SUPT20H: variants seen among roughly 807,000 people sequenced by gnomAD.
The protein encoded by SUPT20H is SPT20 homolog, SAGA complex component, also known as transcription factor SPT20 homolog.
SUPT20H carries 82 observed loss-of-function variants against 122.8 expected under a neutral mutation model. That is an observed-to-expected ratio of 0.67 (90% CI 0.56 to 0.80). The LOEUF (loss-of-function observed/expected upper bound fraction) is 0.80, where lower values mean the gene tolerates loss of function less well. SUPT20H is among the 30% of genes least tolerant of loss of function. The probability of loss-of-function intolerance (pLI) is 0.00; values close to 1 mark genes in which losing one functional copy is unlikely to be tolerated. For missense variants in SUPT20H, 831 were observed against 921.6 expected (o/e 0.90, Z 1.27); for synonymous variants, 291 against 313.0 (o/e 0.93, Z 0.74).
intron 1 of SUPT20H, chr13:37,059,180 C>T (rs1208443252): frequency 6.6e-6 from 1 of 152,276 alleles, no homozygotes; most frequent in African/African-American, 2.4e-5. Flanking sequence ...GCTTTTGTCA[C>T]AACTTAGGCT....
In SUPT20H at chr13:37,045,302, A is replaced by C. The variant is rs1347954348; in HGVS notation, c.237T>G (p.Asn79Lys). ...AATATCCCTCATTTCCTGGGTATAG[A>C]TTGACCACTAAACATGACAAAGTCT... ...MQETLSCLVV[N>K]LYPGNEGYSL... is the part of the protein sequence containing the mutation. The change falls in exon 6 of 26, where the codon AAT becomes AAG. Residue 79 changes from asparagine (N) to lysine (K), a missense_variant. Asn to Lys is a moderately conservative substitution (Grantham distance 94). Transcript: ENST00000350612. 6.2e-7 allele frequency: 1 copy of C among 1,613,682 alleles called. No homozygotes were observed. The highest frequency in any genetic ancestry group is 8.5e-7 in the Non-Finnish European group (1 of 1,179,814).
intron 22 of SUPT20H, 107 bp from the exon 23 acceptor site, chr13:37,017,471 T>C: frequency 4.3e-6 from 5 of 1,154,322 alleles, no homozygotes; most frequent in Non-Finnish European, 5.9e-6. Flanking sequence ...GTCACTCTTC[T>C]AGTTATTGAA....
chr13:37,049,253 T>C (rs1404486056), intron 2 of SUPT20H, among the ~76,000 whole-genome samples: 1 of 152,152 alleles, frequency 6.6e-6, no homozygotes, highest in East Asian at 1.9e-4. Context: ...TATTAAAATA[T>C]AAAAGAAAAT....
intron 2 of SUPT20H, 141 bp from the exon 3 acceptor site, chr13:37,048,740 AAT>A: frequency 7.0e-5 from 42 of 600,104 alleles, no homozygotes; most frequent in East Asian, 9.6e-5. Flanking sequence ...CTCTATGATC[AAT>A]ATATATATAA....
chr13:37,023,025 T>C, intron 19 of SUPT20H: 1 of 1,282,254 alleles, frequency 7.8e-7, no homozygotes, highest in Non-Finnish European at 1.0e-6. Context: ...TGAGGTGTTT[T>C]CTTTTTTAGC....
intron 21 of SUPT20H, 152 bp downstream of exon 21, chr13:37,021,296 A>C: frequency 2.3e-6 from 2 of 851,996 alleles, no homozygotes; most frequent in Non-Finnish European, 3.2e-6. Flanking sequence ...CAAATGCCAG[A>C]ACTTTTAAAG....
Position 37,028,135 on chromosome 13 carries a change from T to C in SUPT20H, c.1151+13A>G, listed in dbSNP as rs375431143. On this transcript the variant is annotated intron_variant, in intron 14 of 25. Transcript: ENST00000350612. ...TTTTTTTTTTCCAGTTACTTGTATT[T>C]AACAGAACTCACTGTGATGGAGACA... 5 of 1,576,094 alleles carry C rather than the reference T, an allele frequency of 3.2e-6. No homozygotes were observed. The highest frequency in any genetic ancestry group is 1.4e-5 in the African/African-American group (1 of 72,552).
intron 4 of SUPT20H, 49 bp from the exon 5 acceptor site, chr13:37,047,650 A>T: frequency 7.6e-7 from 1 of 1,320,800 alleles, no homozygotes; most frequent in Non-Finnish European, 1.0e-6. Flanking sequence ...CAGAGTAATC[A>T]TCATGACATG....
intron 1 of SUPT20H, among the ~76,000 whole-genome samples, chr13:37,051,982 TCA>T (rs938231492): frequency 1.3e-5 from 2 of 152,080 alleles, no homozygotes; most frequent in African/African-American, 4.8e-5. Flanking sequence ...ACTTTACAAA[TCA>T]CAGATATAAT....
intron 7 of SUPT20H, among the ~76,000 whole-genome samples, chr13:37,041,194 A>T (rs1014938050): frequency 1.3e-5 from 2 of 152,230 alleles, no homozygotes; most frequent in Admixed American, 1.3e-4. Flanking sequence ...TTTATTAATA[A>T]GAGGGAAGCT....
chr13:37,017,210 AT>A, intron 23 of SUPT20H, 34 bp downstream of exon 23: 1 of 1,613,714 alleles, frequency 6.2e-7, no homozygotes, highest in South Asian at 1.1e-5. Flanking sequence ...TATAAATTCG[AT>A]GTAAAAGCAT....
intron 3 of SUPT20H, among the ~76,000 whole-genome samples, chr13:37,048,193 AAAT>A (rs1358196584): frequency 1.3e-5 from 2 of 152,204 alleles, no homozygotes; most frequent in African/African-American, 4.8e-5. Context: ...CACAGGTCAG[AAAT>A]ATTATCAATA....
At position 37,053,911 on chromosome 13, in the gene SUPT20H, C is replaced by T. The variant is rs183796485; in HGVS notation, c.-93-2328G>A. Among the ~76,000 whole-genome samples the T allele has an allele frequency of 4.0e-3, 606 of 151,848 alleles. 3 individuals carry two copies. The highest frequency in any genetic ancestry group is 0.014 in the African/African-American group (574 of 41,422). On this transcript the variant is annotated intron_variant, in intron 1 of 25. Transcript: ENST00000350612. ...AGAAAAGAGAGAAGAATCAAATAGA[C>T]GCAATAAAAAATGATAAAGGGGATA...
chr13:37,022,282 T>C lies in SUPT20H; in HGVS notation c.1592-202A>G. 1 of 1,493,490 alleles carries C rather than the reference T, an allele frequency of 6.7e-7. No individual in the cohort carries two copies. The highest frequency in any genetic ancestry group is 2.1e-5 in the Admixed American group (1 of 46,804). 92.5% of individuals were successfully genotyped at this position (1,493,490 alleles called of 1,614,324 possible). On this transcript the variant is annotated intron_variant, in intron 19 of 25. Transcript: ENST00000350612. This position sits in a 1 kb window ranked among gnomAD's most constrained non-coding sequence, Gnocchi z 4.5. ...GGAGGGTGTGGGGTCGATGAAGGGGTTGGTGTAGGAGTAGATGGCTTAGGA... is the reference window on the plus strand; with the variant it reads ...GGAGGGTGTGGGGTCGATGAAGGGGCTGGTGTAGGAGTAGATGGCTTAGGA...
intron 23 of SUPT20H, among the ~76,000 whole-genome samples, chr13:37,016,921 A>T (rs2060611571): frequency 3.3e-5 from 5 of 152,224 alleles, no homozygotes; most frequent in African/African-American, 1.2e-4. Context: ...AAACAGAAAG[A>T]TAATGATGGG....
intron 14 of SUPT20H, among the ~76,000 whole-genome samples, chr13:37,027,832 C>T (rs999399485): frequency 1.3e-5 from 2 of 152,038 alleles, no homozygotes; most frequent in African/African-American, 4.8e-5. Flanking sequence ...ACACTATTGC[C>T]CAAACACTTC....
chr13:37,033,605 C>T lies in SUPT20H; in HGVS notation c.568-17G>A, dbSNP rs762923573. 1.9e-6 allele frequency: 3 copies of T among 1,609,550 alleles called. No homozygotes were observed. Among genetic ancestry groups the T allele is most frequent in the East Asian group, 2.2e-5 (1 of 44,734 alleles). ...TTTGTCTTCCTGAAATGTGTAAGAG[C>T]ATATGTCAATACCAGATTTAAGATT... On this transcript the variant is annotated splice_polypyrimidine_tract_variant and intron_variant, in intron 9 of 25. Transcript: ENST00000350612.
intron 24 of SUPT20H, chr13:37,010,929 T>G (rs1829193916): frequency 7.6e-6 from 2 of 263,200 alleles, no homozygotes; most frequent in Admixed American, 4.7e-5. Flanking sequence ...GTATAAAATT[T>G]GATATTGATG....
rs183719004 is a variant in SUPT20H at position 37,028,771 on chromosome 13, T to A, written c.994-466A>T. Among the ~76,000 whole-genome samples the A allele has an allele frequency of 4.1e-3, 618 of 151,802 alleles. 5 individuals are homozygous for A. Among genetic ancestry groups the A allele is most frequent in the African/African-American group, 0.015 (602 of 41,390 alleles). The stretch of plus-strand genomic sequence containing the variant: ...AATTGCCTAGGGTCACACAGGGAGT[T>A]AGCAGTCTGTCCCTAAGCTTGCACC... On this transcript the variant is annotated intron_variant, in intron 13 of 25. Coordinates refer to ENST00000350612, the MANE Select transcript of SUPT20H (RefSeq NM_001014286.3).
Sources: allele counts gnomAD v4.1 joint callset (sites outside exome capture counted in the v4.1 genomes callset), GRCh38; gene constraint gnomAD v4.1.1; non-coding constraint Gnocchi (gnomAD v3.1); transcripts MANE v1.5; gene names NCBI Gene and HGNC (gene_info 2026-07-23, HGNC 2026-07-21).